The following LRP1B variants were observed in gnomAD, a reference collection of about 807,000 sequenced individuals.
LRP1B encodes LDL receptor related protein 1B.
LRP1B carries 217 observed loss-of-function variants against 556.6 expected under a neutral mutation model. That is an observed-to-expected ratio of 0.39 (90% confidence interval 0.35 to 0.44). LRP1B has a LOEUF of 0.44. LRP1B is among the 20% of genes least tolerant of loss of function. LRP1B has a pLI of 1.00. For synonymous variants in LRP1B, 2,047 were observed against 1,865.8 expected (o/e 1.10, Z -2.50); for missense variants, 5,053 against 5,620.8 (o/e 0.90, Z 3.23).
At chr2:141,376,854 C>T (rs1689457150) in intron 3 of LRP1B, among the ~76,000 whole-genome samples, 1 of 152,110 alleles carries the variant, frequency 6.6e-6, no homozygotes, top group Admixed American at 6.5e-5. Flanking sequence ...TTCCCACTTT[C>T]TATTTCAATC....
At chr2:140,873,865 A>T (rs1693219023) in intron 25 of LRP1B, among the ~76,000 whole-genome samples, 1 of 151,904 alleles carries the variant, frequency 6.6e-6, no homozygotes. Context: ...AGCTTATTTA[A>T]AGGTTATGTA....
intron 2 of LRP1B, among the ~76,000 whole-genome samples, chr2:141,546,369 C>G (rs185331179): frequency 4.6e-4 from 70 of 152,222 alleles, no homozygotes; most frequent in Middle Eastern, 3.4e-3. Context: ...AGAATTGAAA[C>G]CCTGGGTATC....
At chr2:141,632,861 A>G (rs1009181666) in intron 2 of LRP1B, among the ~76,000 whole-genome samples, 133 of 82,048 alleles carry the variant, frequency 1.6e-3, no homozygotes, top group Admixed American at 2.7e-3. Context: ...GTTAAGTGCT[A>G]CAAGAACCAA....
chr2:141,560,963 G>A (rs568784615), intron 2 of LRP1B, among the ~76,000 whole-genome samples: 1 of 151,588 alleles, frequency 6.6e-6, no homozygotes, highest in East Asian at 1.9e-4. Flanking sequence ...TGATAAATAT[G>A]CTACTTATAA....
At chr2:141,253,017 C>T (rs436749) in intron 4 of LRP1B, among the ~76,000 whole-genome samples, 17,277 of 152,204 alleles carry the variant, frequency 0.11, 1,099 homozygotes, top group South Asian at 0.17. Flanking sequence ...ACTCAGGAAT[C>T]TACGTATTTA....
At chr2:141,259,457 G>A (rs948905249) in intron 3 of LRP1B, among the ~76,000 whole-genome samples, 14 of 152,258 alleles carry the variant, frequency 9.2e-5, no homozygotes, top group Admixed American at 4.6e-4. Flanking sequence ...CCAATATAAC[G>A]TAGAGAGTAA....
chr2:141,098,036 T>C (rs1430335939), intron 7 of LRP1B, among the ~76,000 whole-genome samples: 1 of 152,192 alleles, frequency 6.6e-6, no homozygotes, highest in Non-Finnish European at 1.5e-5. Context: ...CCTTCCTTTC[T>C]CCAACCTTGA....
At chr2:140,559,634 A>T (rs1680858053) in intron 43 of LRP1B, among the ~76,000 whole-genome samples, 1 of 152,130 alleles carries the variant, frequency 6.6e-6, no homozygotes, top group Admixed American at 6.6e-5. Flanking sequence ...ACATGGGAGT[A>T]CACTTGGAGG....
chr2:141,441,375 G>A (rs1173457212), intron 3 of LRP1B, among the ~76,000 whole-genome samples: 1 of 152,112 alleles, frequency 6.6e-6, no homozygotes, highest in Non-Finnish European at 1.5e-5. Context: ...ACCACACCTG[G>A]CCAGCCCTGG....
At chr2:141,389,498 G>T (rs574265402) in intron 3 of LRP1B, among the ~76,000 whole-genome samples, 17 of 152,044 alleles carry the variant, frequency 1.1e-4, no homozygotes, top group Middle Eastern at 6.3e-3. Context: ...TAAACATAGG[G>T]AGAGCTAAAA....
chr2:140,308,416 G>C (rs1684155268), intron 83 of LRP1B, among the ~76,000 whole-genome samples: 2 of 151,902 alleles, frequency 1.3e-5, no homozygotes, highest in South Asian at 4.1e-4. Context: ...TTCCTTCTGA[G>C]CTTTCTGTGA....
At chr2:140,592,296 A>C (rs772936391) in intron 43 of LRP1B, among the ~76,000 whole-genome samples, 25 of 152,198 alleles carry the variant, frequency 1.6e-4, no homozygotes, top group Non-Finnish European at 3.5e-4. Context: ...AATATTAGAC[A>C]TAGTAACATT....
At chr2:140,789,618 C>CTTTTT (rs756120273) in intron 32 of LRP1B, among the ~76,000 whole-genome samples, 2,028 of 71,758 alleles carry the variant, frequency 0.028, 315 homozygotes, top group Middle Eastern at 0.045. Flanking sequence ...GCTTTAAGGA[C>CTTTTT]TTTTTTTTTT....
intron 41 of LRP1B, among the ~76,000 whole-genome samples, chr2:140,606,308 A>G (rs1335023880): frequency 6.6e-6 from 1 of 151,946 alleles, no homozygotes; most frequent in East Asian, 1.9e-4. Flanking sequence ...AAGTTTAGCA[A>G]AATAATTTTA....
chr2:140,616,747 C>A (rs1574147703), intron 41 of LRP1B, among the ~76,000 whole-genome samples: 2 of 151,722 alleles, frequency 1.3e-5, no homozygotes, highest in Non-Finnish European at 3.0e-5. Context: ...AAATTATTTA[C>A]CAAGTGATAT....
At chr2:141,396,413 A>T (rs1220950208) in intron 3 of LRP1B, among the ~76,000 whole-genome samples, 1 of 152,198 alleles carries the variant, frequency 6.6e-6, no homozygotes, top group African/African-American at 2.4e-5. Context: ...CACATTGTTA[A>T]TGGGACTACC....
Position 141,614,005 on chromosome 2 carries a change from G to A in LRP1B, c.206-133472C>T, listed in dbSNP as rs551407717. 3.1e-5 allele frequency among the ~76,000 whole-genome samples: 4 copies of A among 128,752 alleles called. No homozygotes were observed. The South Asian group carries it at 7.6e-4, about 25-fold the overall frequency. 84.5% of individuals were successfully genotyped at this position (128,752 alleles called of 152,430 possible). A position where few individuals can be genotyped will look rare whatever the true frequency, so the allele number is the denominator to read the frequency against. ...GGAGAATTGATTAAAACCAGGAGGC[G>A]GAGATTGTCATGAGCTGAGATCCAG... On this transcript the variant is annotated intron_variant, in intron 2 of 90. Coordinates refer to ENST00000389484, the MANE Select transcript of LRP1B (RefSeq NM_018557.3).
At chr2:140,420,234 A>G (rs1203305363) in intron 66 of LRP1B, among the ~76,000 whole-genome samples, 4 of 152,160 alleles carry the variant, frequency 2.6e-5, no homozygotes, top group Admixed American at 6.5e-5. Context: ...AATAAAAAAA[A>G]AGAATTTGAA....
intron 1 of LRP1B, among the ~76,000 whole-genome samples, chr2:142,048,235 A>C (rs145332302): frequency 6.6e-6 from 1 of 152,180 alleles, no homozygotes; most frequent in Admixed American, 6.6e-5. Flanking sequence ...TGGAATTATA[A>C]ATGTCCATTT....
Sources: gnomAD v4.1 joint callset for allele counts (sites outside exome capture counted in the v4.1 genomes callset) on GRCh38, gnomAD v4.1.1 for gene constraint, MANE v1.5 for transcripts, NCBI Gene and HGNC (gene_info 2026-07-23, HGNC 2026-07-21) for gene names.